The following PLSCR4 variants were observed in gnomAD, a reference collection of about 807,000 sequenced individuals.
PLSCR4 encodes the protein Ca(2+)-dependent phospholipid scramblase 4.
Under a neutral mutation model 36.3 loss-of-function variants are expected in PLSCR4, and 25 were observed. The observed-to-expected ratio is 0.69, with a 90% CI of 0.50 to 0.96. PLSCR4 has a LOEUF of 0.96. Among genes scored for constraint, PLSCR4 ranks in the 40% least tolerant of loss-of-function variants. The probability of loss-of-function intolerance (pLI) is 0.00; values close to 1 mark genes in which losing one functional copy is unlikely to be tolerated. For missense variants in PLSCR4, 408 were observed against 414.7 expected, an observed-to-expected ratio of 0.98 and a Z score of 0.14; for synonymous variants, 122 against 132.9, an observed-to-expected ratio of 0.92 and a Z score of 0.56.
chr3:146,204,993 C>A (rs1443292221), intron 4 of PLSCR4, among the ~76,000 whole-genome samples: 1 of 151,860 alleles, frequency 6.6e-6, no homozygotes, highest in Non-Finnish European at 1.5e-5. Flanking sequence ...CTTCTATACA[C>A]CAATGTTATA....
chr3:146,227,927 C>A (rs2035545461), intron 1 of PLSCR4, among the ~76,000 whole-genome samples: 1 of 152,216 alleles, frequency 6.6e-6, no homozygotes, highest in African/African-American at 2.4e-5. Flanking sequence ...CCATCTTAAT[C>A]TTCCTTTAAG....
chr3:146,230,195 AAAT>A (rs57584804), intron 1 of PLSCR4, among the ~76,000 whole-genome samples: 2,461 of 152,224 alleles, frequency 0.016, 69 homozygotes, highest in African/African-American at 0.056. Context: ...GATTGCTAAA[AAAT>A]AATAATAATA....
intron 7 of PLSCR4, chr3:146,196,306 T>G (rs1464137170): frequency 1.2e-5 from 3 of 241,284 alleles, no homozygotes; most frequent in Non-Finnish European, 2.5e-5. Context: ...CCTAGAAATC[T>G]AGGGAAAAAA....
chr3:146,228,601 A>G (rs995661482), intron 1 of PLSCR4, among the ~76,000 whole-genome samples: 2 of 152,190 alleles, frequency 1.3e-5, no homozygotes, highest in Non-Finnish European at 2.9e-5. Flanking sequence ...GACAATACTT[A>G]TATTATTCAG....
chr3:146,224,832 T>A (rs2035369507), intron 1 of PLSCR4, among the ~76,000 whole-genome samples: 1 of 150,410 alleles, frequency 6.6e-6, no homozygotes, highest in Admixed American at 6.7e-5. Flanking sequence ...ACAAAGGTTC[T>A]CCACGTCCCC....
At chr3:146,248,397 C>T (rs1188184097) in intron 1 of PLSCR4, among the ~76,000 whole-genome samples, 4 of 151,958 alleles carry the variant, frequency 2.6e-5, no homozygotes, top group South Asian at 2.1e-4. Context: ...TAATATAATT[C>T]GGCTGTGTGT....
At chr3:146,239,215 A>G (rs890239655) in intron 1 of PLSCR4, among the ~76,000 whole-genome samples, 3 of 152,190 alleles carry the variant, frequency 2.0e-5, no homozygotes, top group Non-Finnish European at 2.9e-5. Context: ...TTTTCCAGAA[A>G]CTAACAAGCT....
intron 1 of PLSCR4, among the ~76,000 whole-genome samples, chr3:146,245,414 T>A (rs564936356): frequency 6.6e-6 from 1 of 152,144 alleles, no homozygotes; most frequent in African/African-American, 2.4e-5. Flanking sequence ...TATACCAAAT[T>A]CAAAATAAAT....
intron 1 of PLSCR4, among the ~76,000 whole-genome samples, chr3:146,224,669 G>C (rs2035357682): frequency 6.6e-6 from 1 of 152,036 alleles, no homozygotes; most frequent in Non-Finnish European, 1.5e-5. Flanking sequence ...CTTCCACAGT[G>C]TGGAAGGGGA....
At chr3:146,229,641 A>T (rs10755100) in intron 1 of PLSCR4, among the ~76,000 whole-genome samples, 83,726 of 132,636 alleles carry the variant, frequency 0.63, 26,154 homozygotes, top group South Asian at 0.68. Flanking sequence ...TTATTTATTT[A>T]TGAGATGGAG....
At chr3:146,233,340 A>G (rs1369065532) in intron 1 of PLSCR4, among the ~76,000 whole-genome samples, 1 of 152,140 alleles carries the variant, frequency 6.6e-6, no homozygotes, top group African/African-American at 2.4e-5. Flanking sequence ...CCAAACCACA[A>G]CACTAGAAAA....
At chr3:146,212,842 G>A (rs1364709168) in intron 3 of PLSCR4, among the ~76,000 whole-genome samples, 1 of 152,086 alleles carries the variant, frequency 6.6e-6, no homozygotes, top group Non-Finnish European at 1.5e-5. Flanking sequence ...CATAATGTTT[G>A]GTGTGAGTTT....
intron 1 of PLSCR4, among the ~76,000 whole-genome samples, chr3:146,234,794 G>A (rs527575844): frequency 2.0e-5 from 3 of 152,254 alleles, no homozygotes; most frequent in Non-Finnish European, 4.4e-5. Flanking sequence ...CTGATCCTAA[G>A]CATCTGATCC....
At chr3:146,221,077 A>G in intron 2 of PLSCR4, 152 bp from the exon 3 acceptor site, 1 of 526,194 alleles carries the variant, frequency 1.9e-6, no homozygotes, top group Non-Finnish European at 3.3e-6. Context: ...TTCATCATAT[A>G]TTAGACACTA....
intron 3 of PLSCR4, among the ~76,000 whole-genome samples, chr3:146,212,106 T>G (rs895723464): frequency 2.0e-5 from 3 of 152,184 alleles, no homozygotes; most frequent in Admixed American, 6.5e-5. Context: ...GTGTTGAATC[T>G]GTAGATCAAT....
rs758218990 is a variant in PLSCR4 at position 146,196,774 on chromosome 3, G to A, written c.644C>T (p.Pro215Leu). 1 of 1,613,682 alleles carries A rather than the reference G, an allele frequency of 6.2e-7. No individual in the cohort carries two copies. Among genetic ancestry groups the A allele is most frequent in the Non-Finnish European group, 8.5e-7 (1 of 1,179,844 alleles). The change falls in exon 7 of 9, where the codon CCT (proline) becomes CTT (leucine). Residue 215 changes from proline (P) to leucine (L), a missense_variant. Physicochemically the swap from Pro to Leu is moderately conservative, Grantham distance 98. Coordinates refer to ENST00000354952, the MANE Select transcript of PLSCR4 (RefSeq NM_020353.3). ...ARQELEVQCP[P>L]GVTIGFVAEH... is the part of the protein sequence containing the mutation. ...CGCAACAAAGCCAATGGTGACACCAGGAGGACACTGCACCTCCAGCTGCAA... is the reference window on the plus strand; with the variant it reads ...CGCAACAAAGCCAATGGTGACACCAAGAGGACACTGCACCTCCAGCTGCAA...
At chr3:146,207,854 A>G (rs1337753898) in intron 3 of PLSCR4, among the ~76,000 whole-genome samples, 2 of 152,060 alleles carry the variant, frequency 1.3e-5, no homozygotes, top group Non-Finnish European at 2.9e-5. Flanking sequence ...ATCATGCTTT[A>G]AGAGCACAGT....
intron 3 of PLSCR4, among the ~76,000 whole-genome samples, chr3:146,217,865 C>T (rs1267708653): frequency 1.3e-5 from 2 of 152,016 alleles, no homozygotes; most frequent in African/African-American, 4.8e-5. Context: ...CTGACATGAT[C>T]TGTGGATATG....
Position 146,224,038 on chromosome 3 carries a change from G to C in PLSCR4, c.-21-1946C>G, listed in dbSNP as rs191121797. 4.0e-5 allele frequency among the ~76,000 whole-genome samples: 6 copies of C among 151,078 alleles called. No homozygotes were observed. The East Asian group carries it at 1.2e-3, about 29-fold the overall frequency. On this transcript the variant is annotated intron_variant, in intron 1 of 8. Transcript: ENST00000354952. The stretch of plus-strand genomic sequence containing the variant: ...CTGGGCCAGTAAAAGGAGTTCAAGG[G>C]GTTAGTCATATTCCTTAATGATGGT...
Sources: gnomAD v4.1 joint callset for allele counts (sites outside exome capture counted in the v4.1 genomes callset) on GRCh38, gnomAD v4.1.1 for gene constraint, MANE v1.5 for transcripts, NCBI Gene and HGNC (gene_info 2026-07-23, HGNC 2026-07-21) for gene names.